FBXL17: variants seen among roughly 807,000 people sequenced by gnomAD.
The protein encoded by FBXL17 is F-box and leucine rich repeat protein 17, also known as F-box/LRR-repeat protein 17.
FBXL17 carries 22 observed loss-of-function variants against 66.2 expected under a neutral mutation model. The ratio of observed to expected loss-of-function variants is 0.33; its 90% CI spans 0.24 to 0.47. The LOEUF (loss-of-function observed/expected upper bound fraction) is 0.47. Ranked by LOEUF, FBXL17 falls within the 20% of genes least tolerant of loss-of-function variation. FBXL17 has a pLI of 1.00. For synonymous variants in FBXL17, 474 were observed against 400.5 expected (o/e 1.18, Z -2.19); for missense variants, 878 against 948.2 (o/e 0.93, Z 0.97).
intron 8 of FBXL17, among the ~76,000 whole-genome samples, chr5:107,869,111 T>C (rs1748371677): frequency 6.6e-6 from 1 of 152,182 alleles, no homozygotes; most frequent in African/African-American, 2.4e-5. Context: ...GCCTGCCTCC[T>C]AATTCAGGGC....
chr5:108,264,837 T>C (rs146253453), intron 4 of FBXL17, among the ~76,000 whole-genome samples: 101 of 151,904 alleles, frequency 6.6e-4, no homozygotes, highest in Admixed American at 2.0e-3. Context: ...ACCGGTCAAT[T>C]ACTTTCGACT....
At chr5:108,177,985 AAAG>A (rs986249503) in intron 6 of FBXL17, among the ~76,000 whole-genome samples, 3 of 149,498 alleles carry the variant, frequency 2.0e-5, no homozygotes, top group African/African-American at 7.3e-5. Flanking sequence ...ATGGTTTTAG[AAAG>A]AAGGTCTAAT....
chr5:108,127,790 C>T (rs974665615), intron 6 of FBXL17, among the ~76,000 whole-genome samples: 2 of 152,118 alleles, frequency 1.3e-5, no homozygotes, highest in Admixed American at 1.3e-4. Flanking sequence ...TAATAAAAAA[C>T]AAGCATGAAT....
chr5:108,232,065 G>A (rs1456877180), intron 4 of FBXL17, among the ~76,000 whole-genome samples: 4 of 152,208 alleles, frequency 2.6e-5, no homozygotes, highest in South Asian at 2.1e-4. Context: ...CTGTGACCAC[G>A]TGACCAGCGA....
At chr5:107,895,617 C>T (rs569317999) in intron 7 of FBXL17, among the ~76,000 whole-genome samples, 1 of 152,206 alleles carries the variant, frequency 6.6e-6, no homozygotes, top group East Asian at 1.9e-4. Flanking sequence ...ACTCCCCATC[C>T]CCGCTTTTCT....
chr5:108,272,515 G>A (rs115239827), intron 4 of FBXL17, among the ~76,000 whole-genome samples: 3,724 of 151,668 alleles, frequency 0.025, 146 homozygotes, highest in African/African-American at 0.085. Flanking sequence ...TACCATGCCT[G>A]GCTAAAATTT....
At chr5:108,074,027 C>A (rs570046128) in intron 6 of FBXL17, among the ~76,000 whole-genome samples, 65 of 152,352 alleles carry the variant, frequency 4.3e-4, no homozygotes, top group African/African-American at 1.5e-3. Flanking sequence ...AGCCTCTTGA[C>A]TCTATAACCT....
intron 4 of FBXL17, among the ~76,000 whole-genome samples, chr5:108,260,575 G>A (rs1282686025): frequency 6.6e-6 from 1 of 152,096 alleles, no homozygotes; most frequent in Non-Finnish European, 1.5e-5. Context: ...GGGAAGAAGA[G>A]AACGGGTTCC....
At chr5:108,034,114 A>G (rs1746748811) in intron 6 of FBXL17, among the ~76,000 whole-genome samples, 1 of 152,132 alleles carries the variant, frequency 6.6e-6, no homozygotes. Flanking sequence ...TATTTATTTC[A>G]TCACCTTTAT....
At chr5:108,097,557 G>C (rs539670162) in intron 6 of FBXL17, among the ~76,000 whole-genome samples, 2 of 152,114 alleles carry the variant, frequency 1.3e-5, no homozygotes, top group African/African-American at 4.8e-5. Flanking sequence ...TTGGGAGGTG[G>C]GGGTGGGCAG....
intron 5 of FBXL17, among the ~76,000 whole-genome samples, chr5:108,214,492 C>T (rs963945709): frequency 2.0e-5 from 3 of 151,742 alleles, no homozygotes; most frequent in Non-Finnish European, 2.9e-5. Context: ...CTCAGCCTCC[C>T]GAGTAACTGG....
At chr5:108,120,414 G>A (rs1387330355) in intron 6 of FBXL17, among the ~76,000 whole-genome samples, 1 of 151,966 alleles carries the variant, frequency 6.6e-6, no homozygotes, top group Non-Finnish European at 1.5e-5. Flanking sequence ...GCATGACACA[G>A]ATAAAAAAAA....
chr5:108,152,324 T>C (rs286742), intron 6 of FBXL17, among the ~76,000 whole-genome samples: 102,056 of 152,062 alleles, frequency 0.67, 34,989 homozygotes, highest in East Asian at 0.93. Context: ...CATTTCTACT[T>C]AACTGGTGGA....
rs572513560 is a variant in FBXL17 at position 107,919,132 on chromosome 5, A to G, written c.1823-37953T>C. On this transcript the variant is annotated intron_variant, in intron 7 of 8. Coordinates refer to ENST00000542267, the MANE Select transcript of FBXL17 (RefSeq NM_001163315.3). ...AAACAGATTACGCACTGAGTCAAAA[A>G]AAGAAAAAAAATTGCAGGGTCCTGA... Among the ~76,000 whole-genome samples the G allele has an allele frequency of 5.9e-5, 9 of 152,338 alleles. No individual in the cohort carries two copies. In the South Asian group the frequency reaches 1.9e-3, roughly 32 times the overall value.
intron 4 of FBXL17, among the ~76,000 whole-genome samples, chr5:108,347,828 T>C (rs1384130735): frequency 6.6e-6 from 1 of 152,208 alleles, no homozygotes; most frequent in African/African-American, 2.4e-5. Flanking sequence ...AAATGTATTT[T>C]ATGTGAATTA....
At chr5:108,283,007 T>G (rs866953396) in intron 4 of FBXL17, among the ~76,000 whole-genome samples, 1 of 150,694 alleles carries the variant, frequency 6.6e-6, no homozygotes, top group Non-Finnish European at 1.5e-5. Flanking sequence ...GTATTATAGA[T>G]GACAAAAATG....
intron 6 of FBXL17, among the ~76,000 whole-genome samples, chr5:108,035,389 G>A (rs1746801739): frequency 6.6e-6 from 1 of 151,960 alleles, no homozygotes; most frequent in Admixed American, 6.6e-5. Context: ...TTTCTGAGAT[G>A]GAGTGTCGCT....
At chr5:107,866,180 C>T (rs1389196125) in intron 8 of FBXL17, among the ~76,000 whole-genome samples, 1 of 151,724 alleles carries the variant, frequency 6.6e-6, no homozygotes, top group Non-Finnish European at 1.5e-5. Context: ...TCCTATATGA[C>T]ACATGAGATT....
chr5:107,981,280 G>C (rs1239576240), intron 7 of FBXL17, among the ~76,000 whole-genome samples: 1 of 152,194 alleles, frequency 6.6e-6, no homozygotes, highest in Non-Finnish European at 1.5e-5. Context: ...ACTGGATCCT[G>C]TTCAAAGCTA....
Sources: gnomAD v4.1 joint callset for allele counts (sites outside exome capture counted in the v4.1 genomes callset) on GRCh38, gnomAD v4.1.1 for gene constraint, MANE v1.5 for transcripts, NCBI Gene and HGNC (gene_info 2026-07-23, HGNC 2026-07-21) for gene names.